PDE10A: variants seen among roughly 807,000 people sequenced by gnomAD.
The protein encoded by PDE10A is phosphodiesterase 10A, also known as cAMP and cAMP-inhibited cGMP 3',5'-cyclic phosphodiesterase 10A.
In PDE10A, 39 loss-of-function variants were observed where a neutral mutation model predicts 97.7. That is an observed-to-expected ratio of 0.40 (90% confidence interval 0.31 to 0.52). The LOEUF is 0.52. Ranked by LOEUF, PDE10A falls within the 20% of genes least tolerant of loss-of-function variation. PDE10A has a pLI of 0.56. For synonymous variants in PDE10A, 371 were observed against 376.8 expected (o/e 0.98, Z 0.18); for missense variants, 731 against 1,047.8 (o/e 0.70, Z 4.17).
In PDE10A at chr6:165,448,709, A is replaced by AACACACAC. The variant is rs10645551; in HGVS notation, c.1194+211_1194+218dup. On this transcript the variant is annotated intron_variant, in intron 5 of 21. Transcript: ENST00000539869. ...GGTACCACAAACCAAAGCCAAAGGAAACACACACACACACACACACACACA... is the reference window on the plus strand; with the variant it reads ...GGTACCACAAACCAAAGCCAAAGGAAACACACACACACACACACACACACACACACACA... Among the ~76,000 whole-genome samples, 227 of 147,486 alleles carry AACACACAC rather than the reference A, an allele frequency of 1.5e-3. 1 individual carries two copies. The highest frequency in any genetic ancestry group is 4.2e-3 in the East Asian group (21 of 4,976).
At chr6:165,639,064 C>A (rs1027141184) in intron 1 of PDE10A, among the ~76,000 whole-genome samples, 14 of 146,976 alleles carry the variant, frequency 9.5e-5, no homozygotes, top group African/African-American at 2.7e-4. Flanking sequence ...GGGAGGGAGA[C>A]AGAGAGAGAG....
intron 1 of PDE10A, among the ~76,000 whole-genome samples, chr6:165,755,885 T>C (rs1793106495): frequency 6.6e-6 from 1 of 152,192 alleles, no homozygotes; most frequent in South Asian, 2.1e-4. Flanking sequence ...TTGAGGTGTC[T>C]GGCGTATATT....
chr6:165,756,729 AC>A (rs1212163149), intron 1 of PDE10A, among the ~76,000 whole-genome samples: 1 of 152,060 alleles, frequency 6.6e-6, no homozygotes, highest in Non-Finnish European at 1.5e-5. Flanking sequence ...TCCAGTTTTC[AC>A]GGGTATTGCC....
At chr6:165,580,592 A>G (rs960842492) in intron 1 of PDE10A, among the ~76,000 whole-genome samples, 1 of 152,220 alleles carries the variant, frequency 6.6e-6, no homozygotes, top group Admixed American at 6.5e-5. Context: ...TAGTTGAGAG[A>G]TATTTTAAAA....
intron 1 of PDE10A, among the ~76,000 whole-genome samples, chr6:165,870,205 C>A (rs1400600565): frequency 2.6e-5 from 4 of 152,106 alleles, no homozygotes; most frequent in Non-Finnish European, 2.9e-5. Flanking sequence ...ACTCTTCCAA[C>A]CATGGACTAA....
intron 1 of PDE10A, among the ~76,000 whole-genome samples, chr6:165,892,032 C>G (rs1479650785): frequency 2.6e-5 from 4 of 152,052 alleles, no homozygotes; most frequent in Admixed American, 1.3e-4. Flanking sequence ...GATTCTCCCC[C>G]CACTGACCGG....
At chr6:165,691,198 T>A (rs1355394246) in intron 1 of PDE10A, among the ~76,000 whole-genome samples, 2,202 of 55,644 alleles carry the variant, frequency 0.04, 100 homozygotes, top group African/African-American at 0.094. Flanking sequence ...CCTCTCTCTC[T>A]CTCCCCACAC....
At chr6:165,698,314 A>T (rs533135110) in intron 1 of PDE10A, among the ~76,000 whole-genome samples, 1 of 152,202 alleles carries the variant, frequency 6.6e-6, no homozygotes, top group South Asian at 2.1e-4. Flanking sequence ...TAAGCCTTAC[A>T]TTCTAATCCT....
chr6:165,806,654 C>A (rs552039300), intron 1 of PDE10A, among the ~76,000 whole-genome samples: 6 of 151,800 alleles, frequency 4.0e-5, no homozygotes, highest in African/African-American at 9.7e-5. Context: ...TGAGCGCCCC[C>A]CCCCAGGCTC....
chr6:165,674,462 G>A (rs777084841), intron 1 of PDE10A, among the ~76,000 whole-genome samples: 2 of 152,200 alleles, frequency 1.3e-5, no homozygotes, highest in Non-Finnish European at 2.9e-5. Context: ...TGGGGAGAAA[G>A]CGGAAGTGGC....
chr6:165,576,397 G>C (rs371446606), intron 1 of PDE10A: 2 of 780,326 alleles, frequency 2.6e-6, no homozygotes, highest in African/African-American at 3.4e-5. Context: ...TGCTGGCTTC[G>C]TGTCCTCTAC....
chr6:165,745,802 T>G (rs1792829636), intron 1 of PDE10A, among the ~76,000 whole-genome samples: 1 of 152,232 alleles, frequency 6.6e-6, no homozygotes, highest in African/African-American at 2.4e-5. Flanking sequence ...TATGTTCGTA[T>G]GTTGTAAAAA....
intron 1 of PDE10A, among the ~76,000 whole-genome samples, chr6:165,749,347 C>T (rs796635696): frequency 7.0e-6 from 1 of 143,258 alleles, no homozygotes; most frequent in Non-Finnish European, 1.5e-5. Context: ...ATCACCACCA[C>T]CATTATCACC....
At chr6:165,916,410 A>G (rs139918332) in intron 1 of PDE10A, among the ~76,000 whole-genome samples, 16 of 152,362 alleles carry the variant, frequency 1.1e-4, no homozygotes, top group African/African-American at 3.1e-4. Context: ...GCCAAAATGC[A>G]GGAAGATTTG....
chr6:165,789,791 C>T (rs964931354), intron 1 of PDE10A, among the ~76,000 whole-genome samples: 4 of 143,090 alleles, frequency 2.8e-5, no homozygotes, highest in Admixed American at 2.2e-4. Context: ...TCTTACTTTT[C>T]TCCTTTAGAT....
chr6:165,406,066 AG>A (rs1787122066), intron 13 of PDE10A, among the ~76,000 whole-genome samples: 1 of 152,186 alleles, frequency 6.6e-6, no homozygotes, highest in Admixed American at 6.5e-5. Flanking sequence ...AACCAAAAGA[AG>A]AAAAAAAAAG....
intron 10 of PDE10A, among the ~76,000 whole-genome samples, chr6:165,421,122 C>T (rs1374714658): frequency 2.0e-5 from 3 of 152,186 alleles, no homozygotes; most frequent in East Asian, 1.9e-4. Context: ...GAAAAATCTG[C>T]GAGATTATCG....
chr6:165,697,088 A>G (rs966140651), intron 1 of PDE10A, among the ~76,000 whole-genome samples: 1 of 152,222 alleles, frequency 6.6e-6, no homozygotes, highest in African/African-American at 2.4e-5. Flanking sequence ...TGGAAGTACC[A>G]GAAATGAGGA....
At chr6:165,952,310 A>G (rs559907727) in intron 1 of PDE10A, among the ~76,000 whole-genome samples, 5 of 152,364 alleles carry the variant, frequency 3.3e-5, no homozygotes, top group Admixed American at 1.3e-4. Context: ...CTCACGGAGC[A>G]TAACTATACA....
Sources: gnomAD v4.1 joint callset for allele counts (sites outside exome capture counted in the v4.1 genomes callset) on GRCh38, gnomAD v4.1.1 for gene constraint, MANE v1.5 for transcripts, NCBI Gene and HGNC (gene_info 2026-07-23, HGNC 2026-07-21) for gene names.